DOCK3: variants seen among roughly 807,000 people sequenced by gnomAD.
DOCK3 encodes dedicator of cytokinesis protein 3.
In DOCK3, 60 loss-of-function variants were observed where a neutral mutation model predicts 265.6. The ratio of observed to expected loss-of-function variants is 0.23; its 90% confidence interval spans 0.18 to 0.28. The LOEUF is 0.28. Ranked by LOEUF, DOCK3 falls within the 10% of genes least tolerant of loss-of-function variation. The pLI is 1.00. For synonymous variants in DOCK3, 881 were observed against 938.0 expected, an observed-to-expected ratio of 0.94 and a Z score of 1.11; for missense variants, 1,981 against 2,594.3, an observed-to-expected ratio of 0.76 and a Z score of 5.14.
At chr3:50,789,306 A>G (rs576686884) in intron 2 of DOCK3, among the ~76,000 whole-genome samples, 1 of 152,216 alleles carries the variant, frequency 6.6e-6, no homozygotes, top group East Asian at 1.9e-4. Flanking sequence ...TTTGGAGTTA[A>G]TTTCCAATTT....
At chr3:50,744,068 G>A (rs932090250) in intron 1 of DOCK3, among the ~76,000 whole-genome samples, 2 of 152,140 alleles carry the variant, frequency 1.3e-5, no homozygotes, top group African/African-American at 4.8e-5. Flanking sequence ...TAGTGTGCTT[G>A]TTGTTCATTT....
intron 5 of DOCK3, among the ~76,000 whole-genome samples, chr3:50,958,511 G>A (rs764166220): frequency 1.3e-5 from 2 of 152,102 alleles, no homozygotes; most frequent in African/African-American, 4.8e-5. Flanking sequence ...GATCAACTAC[G>A]ATAATACATA....
chr3:51,287,945 T>C (rs1024327608), intron 27 of DOCK3, among the ~76,000 whole-genome samples: 3 of 152,230 alleles, frequency 2.0e-5, no homozygotes, highest in Non-Finnish European at 2.9e-5. Flanking sequence ...GTTGGAATAC[T>C]ACACAGCCAT....
At chr3:51,368,613 C>T (rs2087436537) in intron 49 of DOCK3, among the ~76,000 whole-genome samples, 1 of 152,212 alleles carries the variant, frequency 6.6e-6, no homozygotes, top group Admixed American at 6.5e-5. Flanking sequence ...GCCTCTGTAG[C>T]CTCCACCTCT....
chr3:51,355,423 C>T (rs577605812), intron 41 of DOCK3, among the ~76,000 whole-genome samples: 1 of 152,216 alleles, frequency 6.6e-6, no homozygotes, highest in Non-Finnish European at 1.5e-5. Context: ...TGCTCCACTC[C>T]CATGTGTACT....
At chr3:50,790,755 C>T (rs1173403336) in intron 2 of DOCK3, among the ~76,000 whole-genome samples, 2 of 152,072 alleles carry the variant, frequency 1.3e-5, no homozygotes, top group African/African-American at 2.4e-5. Flanking sequence ...AAGATTCTTT[C>T]CTTCGTCTTG....
intron 1 of DOCK3, among the ~76,000 whole-genome samples, chr3:50,746,142 C>G (rs933778243): frequency 2.2e-5 from 3 of 133,522 alleles, no homozygotes; most frequent in Non-Finnish European, 4.7e-5. Context: ...CAGAGTCTTA[C>G]TCTGTTGCCC....
intron 5 of DOCK3, among the ~76,000 whole-genome samples, chr3:50,978,754 C>T (rs2077574160): frequency 6.6e-6 from 1 of 152,208 alleles, no homozygotes; most frequent in South Asian, 2.1e-4. Context: ...CTCGCTGCCG[C>T]CTTGCAGTTT....
chr3:50,935,245 G>A (rs1238898213), intron 5 of DOCK3, among the ~76,000 whole-genome samples: 1 of 152,120 alleles, frequency 6.6e-6, no homozygotes. Context: ...CACAATAAAA[G>A]CTGTATTTCT....
At chr3:51,064,653 CAGGG>C in intron 6 of DOCK3, 57 bp downstream of exon 6, 1 of 1,590,846 alleles carries the variant, frequency 6.3e-7, no homozygotes, top group Non-Finnish European at 8.6e-7. Context: ...ACTCAGTCTT[CAGGG>C]AGTTTGCACC....
chr3:51,315,417 C>T (rs1209614387), intron 32 of DOCK3, among the ~76,000 whole-genome samples: 1 of 152,290 alleles, frequency 6.6e-6, no homozygotes, highest in East Asian at 1.9e-4. Context: ...CATGATAGGG[C>T]CCTGGGAGTG....
intron 1 of DOCK3, among the ~76,000 whole-genome samples, chr3:50,703,585 A>AG (rs1330807572): frequency 3.3e-5 from 5 of 149,822 alleles, no homozygotes; most frequent in African/African-American, 1.2e-4. Context: ...GAATTTAGAT[A>AG]TTTTCGTTAG....
rs2051209984 is a variant in DOCK3 at position 50,933,873 on chromosome 3, T to C, written c.219-108T>C. 3 of 648,240 alleles carry C rather than the reference T, an allele frequency of 4.6e-6. No homozygotes were observed. The East Asian group carries it at 8.4e-5, about 18-fold the overall frequency. The allele number at this position is 648,240 out of a possible 1,614,324, so 40.2% of individuals were successfully genotyped here. ...ATCAATTAGATATACTTCTTTTTTA[T>C]TTGCATAAATTTAAAATTTGAGTTA... On this transcript the variant is annotated intron_variant, in intron 4 of 52. Coordinates refer to ENST00000266037, the MANE Select transcript of DOCK3 (RefSeq NM_004947.5).
At chr3:50,806,605 A>G (rs1451950821) in intron 2 of DOCK3, among the ~76,000 whole-genome samples, 2 of 151,898 alleles carry the variant, frequency 1.3e-5, no homozygotes, top group African/African-American at 2.4e-5. Flanking sequence ...CTGAAAGTGT[A>G]GCAGCGGGGG....
intron 1 of DOCK3, among the ~76,000 whole-genome samples, chr3:50,701,449 G>A (rs1284105699): frequency 1.3e-5 from 2 of 151,966 alleles, no homozygotes; most frequent in Non-Finnish European, 2.9e-5. Context: ...GGATTATTTG[G>A]TTTTGCTGTT....
chr3:51,297,266 CTTG>C (rs1158981230), intron 27 of DOCK3, among the ~76,000 whole-genome samples: 4 of 151,738 alleles, frequency 2.6e-5, no homozygotes, highest in African/African-American at 4.8e-5. Flanking sequence ...TGTAGTATAT[CTTG>C]TTGTGTTAAG....
intron 41 of DOCK3, 84 bp from the exon 42 acceptor site, chr3:51,356,005 T>C: frequency 6.4e-7 from 1 of 1,550,820 alleles, no homozygotes; most frequent in Non-Finnish European, 8.8e-7. Context: ...TATGGTGCAC[T>C]TCTCCCCTTT....
chr3:50,687,869 G>T (rs1012081323), intron 1 of DOCK3, among the ~76,000 whole-genome samples: 1 of 152,120 alleles, frequency 6.6e-6, no homozygotes, highest in African/African-American at 2.4e-5. Flanking sequence ...GGCAACAAAG[G>T]TGCACACAAC....
intron 3 of DOCK3, among the ~76,000 whole-genome samples, chr3:50,886,664 T>A (rs975952533): frequency 3.3e-5 from 5 of 151,230 alleles, no homozygotes; most frequent in Non-Finnish European, 7.4e-5. Flanking sequence ...TATGTGGTGT[T>A]TGATTTTTTG....
Sources: allele counts gnomAD v4.1 joint callset (sites outside exome capture counted in the v4.1 genomes callset), GRCh38; gene constraint gnomAD v4.1.1; transcripts MANE v1.5; gene names NCBI Gene and HGNC (gene_info 2026-07-23, HGNC 2026-07-21).